THOC2: variants seen among roughly 807,000 people sequenced by gnomAD.
The protein encoded by THOC2 is THO complex 2.
Under a neutral mutation model 128.4 loss-of-function variants are expected in THOC2, and 10 were observed. That is an observed-to-expected ratio of 0.08 (90% CI 0.05 to 0.13). The LOEUF is 0.13. Ranked by LOEUF, THOC2 falls within the 10% of genes least tolerant of loss-of-function variation. The pLI, the probability that THOC2 is intolerant of heterozygous loss-of-function variation, is 1.00. For missense variants in THOC2, 535 were observed against 1,155.7 expected (o/e 0.46, Z 7.79); for synonymous variants, 393 against 396.9 (o/e 0.99, Z 0.12).
intron 26 of THOC2, 90 bp downstream of exon 26, chrX:123,624,451 A>G (rs2047188055): frequency 1.0e-6 from 1 of 974,045 alleles, no homozygotes; most frequent in Non-Finnish European, 1.4e-6. Flanking sequence ...TCTTAAACTC[A>G]GCTTCTCTTT....
intron 15 of THOC2, among the ~76,000 whole-genome samples, chrX:123,644,219 T>C (rs2147701115): frequency 8.9e-6 from 1 of 112,358 alleles, no homozygotes; most frequent in Non-Finnish European, 1.9e-5. Flanking sequence ...GCAGTGGAAA[T>C]TGCTAGAACT....
intron 12 of THOC2, among the ~76,000 whole-genome samples, chrX:123,659,025 T>C (rs2048720368): frequency 8.9e-6 from 1 of 112,342 alleles, no homozygotes; most frequent in African/African-American, 3.2e-5. Context: ...CATTTGAGTA[T>C]GTCAGGTGAG....
At chrX:123,695,771 A>G (rs929983289) in intron 7 of THOC2, among the ~76,000 whole-genome samples, 4 of 111,777 alleles carry the variant, frequency 3.6e-5, no homozygotes, top group African/African-American at 1.3e-4. Flanking sequence ...TCCACAAAAA[A>G]GAAAGACTAG....
At chrX:123,631,655 T>C in intron 22 of THOC2, 33 bp downstream of exon 22, 14 of 1,195,497 alleles carry the variant, frequency 1.2e-5, no homozygotes, top group Non-Finnish European at 1.6e-5. Context: ...ATTTGGATCG[T>C]TCTTGAGCGG....
At position 123,717,728 on chromosome X, in the gene THOC2, C is replaced by T. The variant is rs182047811; in HGVS notation, c.72-4820G>A. The stretch of plus-strand genomic sequence containing the variant: ...AAAAAAACCAATAGCCAAGGCAATC[C>T]TGAACAAAAAGAAAAAAGCTAAAGT... On this transcript the variant is annotated intron_variant, in intron 1 of 38. Coordinates refer to ENST00000245838, the MANE Select transcript of THOC2 (RefSeq NM_001081550.2). Among the ~76,000 whole-genome samples the T allele has an allele frequency of 9.2e-3, 999 of 108,980 alleles. 8 individuals are homozygous for T. Among genetic ancestry groups the T allele is most frequent in the African/African-American group, 0.03 (900 of 29,992 alleles). 94.6% of individuals were successfully genotyped at this position (108,980 alleles called of 115,157 possible). A position where few individuals can be genotyped will look rare whatever the true frequency, so the allele number is the denominator to read the frequency against.
rs558342586 is a variant in THOC2, at chrX:123,677,457, T to A, written c.769-5696A>T. Among the ~76,000 whole-genome samples the A allele has an allele frequency of 2.7e-5, 3 of 112,589 alleles. No homozygotes were observed. The South Asian group carries it at 1.1e-3, about 42-fold the overall frequency. On this transcript the variant is annotated intron_variant, in intron 8 of 38. Coordinates refer to ENST00000245838, the MANE Select transcript of THOC2 (RefSeq NM_001081550.2). The stretch of plus-strand genomic sequence containing the variant: ...TAACTTTCTTACCTTATAAGTTTTT[T>A]AATATTTTTTTAACTTTTTGACTTT...
Position 123,667,252 on chromosome X carries a change from C to T in THOC2, c.1044G>A (p.Leu348=). 1.7e-6 allele frequency: 2 copies of T among 1,203,021 alleles called. No individual in the cohort carries two copies. Among genetic ancestry groups the T allele is most frequent in the Non-Finnish European group, 2.2e-6 (2 of 892,377 alleles). ...CACCAATCTTTAATAAGGCTTCCAA[C>T]AAGCCAAGTTTTTGGTTATCAGGTG... is the stretch of plus-strand genomic sequence containing the variant. ...EKPPDNQKLG[L]LEALLKIGDW... The change falls in exon 11 of 39, where the codon TTG becomes TTA. Residue 348 remains leucine (L), a synonymous_variant. Coordinates refer to ENST00000245838, the MANE Select transcript of THOC2 (RefSeq NM_001081550.2).
chrX:123,699,781 G>C (rs756572039), intron 4 of THOC2, among the ~76,000 whole-genome samples: 2 of 111,830 alleles, frequency 1.8e-5, no homozygotes, highest in East Asian at 5.6e-4. Flanking sequence ...AATTATTTTA[G>C]CTCATTAATC....
At chrX:123,642,424 T>C (rs1467041390) in intron 15 of THOC2, among the ~76,000 whole-genome samples, 1 of 91,415 alleles carries the variant, frequency 1.1e-5, no homozygotes, top group African/African-American at 4.2e-5. Flanking sequence ...CAAAACTCCA[T>C]CTCCCAAAAA....
At chrX:123,695,539 T>C (rs2050414382) in intron 7 of THOC2, among the ~76,000 whole-genome samples, 1 of 112,557 alleles carries the variant, frequency 8.9e-6, no homozygotes, top group African/African-American at 3.2e-5. Context: ...AAAGTTATTT[T>C]GAAAATCAAG....
At chrX:123,652,447 G>A (rs908840718) in intron 12 of THOC2, among the ~76,000 whole-genome samples, 39 of 111,701 alleles carry the variant, frequency 3.5e-4, no homozygotes, top group African/African-American at 1.2e-3. Context: ...TCAGCCAAGA[G>A]AAAGAAATAA....
intron 1 of THOC2, among the ~76,000 whole-genome samples, chrX:123,716,946 AAC>A (rs1405349286): frequency 9.0e-6 from 1 of 110,655 alleles, no homozygotes; most frequent in African/African-American, 3.3e-5. Flanking sequence ...AATGTTCCTC[AAC>A]ACACACAAAA....
At chrX:123,660,948 G>A (rs1254957018) in intron 12 of THOC2, among the ~76,000 whole-genome samples, 3 of 111,866 alleles carry the variant, frequency 2.7e-5, no homozygotes, top group Admixed American at 9.5e-5. Context: ...AGAAAATGTG[G>A]TGTATATATA....
intron 12 of THOC2, among the ~76,000 whole-genome samples, chrX:123,646,840 C>T (rs1267934803): frequency 9.0e-6 from 1 of 111,109 alleles, no homozygotes; most frequent in Admixed American, 9.6e-5. Context: ...TCTGGTGGCA[C>T]ATAGGGTGTA....
intron 7 of THOC2, 37 bp downstream of exon 7, chrX:123,695,984 A>T: frequency 1.1e-6 from 1 of 937,597 alleles, no homozygotes; most frequent in Non-Finnish European, 1.5e-6. Context: ...ATAACTTGTT[A>T]TCTTAACAAC....
At chrX:123,615,184 T>C (rs1409396263) in intron 33 of THOC2, among the ~76,000 whole-genome samples, 1 of 111,669 alleles carries the variant, frequency 9.0e-6, no homozygotes, top group East Asian at 2.8e-4. Context: ...TACACAATGC[T>C]AGATACACCT....
Position 123,713,812 on chromosome X carries a change from G to A in THOC2, c.72-904C>T, listed in dbSNP as rs752514739. ...GGGCTGCAGTGAACCATGACTGCTC[G>A]CTCCACTGTACTCCAGCCTGGGAGA... On this transcript the variant is annotated intron_variant, in intron 1 of 38. Transcript: ENST00000245838. 4.7e-5 allele frequency among the ~76,000 whole-genome samples: 5 copies of A among 105,893 alleles called. No homozygotes were observed. The South Asian group carries it at 1.7e-3, about 36-fold the overall frequency. The allele number at this position is 105,893 out of a possible 115,157, so 92.0% of individuals were successfully genotyped here.
At chrX:123,629,169 GAAGAT>G (rs1179755150) in intron 22 of THOC2, among the ~76,000 whole-genome samples, 9 of 88,466 alleles carry the variant, frequency 1.0e-4, no homozygotes, top group African/African-American at 3.7e-4. Flanking sequence ...CTATATATAT[GAAGAT>G]AACATATATA....
At chrX:123,679,655 AAAAG>A (rs1487658907) in intron 8 of THOC2, among the ~76,000 whole-genome samples, 3 of 112,040 alleles carry the variant, frequency 2.7e-5, no homozygotes, top group South Asian at 7.4e-4. Flanking sequence ...CCATGTGGGG[AAAAG>A]AAAGAGAGAT....
Sources: allele counts gnomAD v4.1 joint callset (sites outside exome capture counted in the v4.1 genomes callset), GRCh38; gene constraint gnomAD v4.1.1; transcripts MANE v1.5; gene names NCBI Gene and HGNC (gene_info 2026-07-23, HGNC 2026-07-21).